The following SLC27A6 variants were observed in gnomAD, a reference collection of about 807,000 sequenced individuals.
The protein encoded by SLC27A6 is solute carrier family 27 member 6.
SLC27A6 carries 74 observed loss-of-function variants against 63.9 expected under a neutral mutation model. The ratio of observed to expected loss-of-function variants is 1.16; its 90% CI spans 0.96 to 1.40. SLC27A6 has a LOEUF of 1.40. Ranked by LOEUF, SLC27A6 falls within the 40% of genes most tolerant of loss-of-function variation. The pLI, the probability that SLC27A6 is intolerant of heterozygous loss-of-function variation, is 0.00. For missense variants in SLC27A6, 794 were observed against 732.9 expected, an observed-to-expected ratio of 1.08 and a Z score of -0.96; for synonymous variants, 287 against 260.8, an observed-to-expected ratio of 1.10 and a Z score of -0.97.
chr5:128,988,643 G>T lies in SLC27A6; in HGVS notation c.729G>T (p.Arg243Ser), dbSNP rs1340231326. The T allele has an allele frequency of 6.2e-7, 1 of 1,613,858 alleles. No individual in the cohort carries two copies. Among genetic ancestry groups the T allele is most frequent in the African/African-American group, 1.3e-5 (1 of 74,876 alleles). The change falls in exon 3 of 10, where the codon AGG becomes AGT. Residue 243 changes from arginine to serine, a missense_variant. Arg to Ser is a moderately radical substitution (Grantham distance 110, BLOSUM62 -1). Transcript: ENST00000262462. ...AAVISQLQVL[R>S]GSAVLWAFGC... ...TGATTAGTCAGCTGCAGGTTTTAAG[G>T]GGTTCTGCTGTCCTGTGGGCTTTTG...
rs762529757 is a variant in SLC27A6 at position 128,966,582 on chromosome 5, C to T, written c.445C>T (p.Arg149Cys). ...IRSNSLLNCI[R>C]ACGPRALVVG... Reference sequence around the variant, plus strand: ...CTCCAACTCCCTCCTGAATTGCATCCGCGCCTGTGGGCCCAGAGCCCTAGT... The same window carrying T: ...CTCCAACTCCCTCCTGAATTGCATCTGCGCCTGTGGGCCCAGAGCCCTAGT... Residue 149 changes from arginine to cysteine, a missense_variant, in exon 1 of 10, where the codon CGC (arginine) becomes TGC (cysteine). Transcript: ENST00000262462. 2 of 1,546,964 alleles carry T rather than the reference C, an allele frequency of 1.3e-6. No homozygotes were observed. Among genetic ancestry groups the T allele is most frequent in the Admixed American group, 1.9e-5 (1 of 51,320 alleles).
intron 4 of SLC27A6, among the ~76,000 whole-genome samples, chr5:129,004,046 G>A (rs1249538826): frequency 1.3e-5 from 2 of 150,654 alleles, no homozygotes; most frequent in African/African-American, 4.9e-5. Context: ...CTCAGAGAAC[G>A]TGTCTGACCT....
At chr5:128,996,035 T>TA (rs75892595) in intron 4 of SLC27A6, among the ~76,000 whole-genome samples, 37,150 of 151,980 alleles carry the variant, frequency 0.24, 5,590 homozygotes, top group East Asian at 0.7. Flanking sequence ...TTAATTTTTT[T>TA]GATCTGTTAA....
chr5:129,013,595 T>C (rs1751797397), intron 4 of SLC27A6, among the ~76,000 whole-genome samples: 1 of 152,104 alleles, frequency 6.6e-6, no homozygotes, highest in Admixed American at 6.5e-5. Context: ...TTAATTTTTA[T>C]ATATTTTTTC....
rs375712222 is a variant in SLC27A6 at position 128,966,313 on chromosome 5, A to T, written c.176A>T (p.Lys59Ile). ...GGGGAGCTGGTGACTGTGCTGGATA[A>T]ATTCTTGAGTCATGCCAAAAGACAA... ...KRGELVTVLD[K>I]FLSHAKRQPR... The change falls in exon 1 of 10, where the codon AAA (lysine) becomes ATA (isoleucine). Residue 59 changes from lysine to isoleucine, a missense_variant. Transcript: ENST00000262462. The T allele has an allele frequency of 5.3e-5, 86 of 1,613,984 alleles. No homozygotes were observed. Among genetic ancestry groups the T allele is most frequent in the Non-Finnish European group, 7.2e-5 (85 of 1,180,020 alleles).
intron 6 of SLC27A6, among the ~76,000 whole-genome samples, chr5:129,024,112 G>T (rs1752162811): frequency 6.6e-6 from 1 of 151,918 alleles, no homozygotes; most frequent in Non-Finnish European, 1.5e-5. Context: ...AGGATGACTA[G>T]GTCCACTGTA....
intron 4 of SLC27A6, 75 bp from the exon 5 acceptor site, chr5:129,015,810 T>C: frequency 3.8e-6 from 4 of 1,063,836 alleles, no homozygotes; most frequent in Non-Finnish European, 5.5e-6. Context: ...GTCTATGATA[T>C]TTTTCATTTA....
intron 9 of SLC27A6, among the ~76,000 whole-genome samples, chr5:129,030,691 C>G (rs1184351): frequency 0.49 from 74,775 of 151,722 alleles, 18,941 homozygotes; most frequent in Middle Eastern, 0.65. Flanking sequence ...TTGACACGCA[C>G]TTATAAGAAA....
At position 129,033,332 on chromosome 5, in the gene SLC27A6, G is replaced by T. The variant is rs778575821; in HGVS notation, c.*50G>T. The T allele has an allele frequency of 5.3e-6, 6 of 1,142,420 alleles. No individual in the cohort carries two copies. The highest frequency in any genetic ancestry group is 2.6e-5 in the East Asian group (1 of 38,814). 70.8% of individuals were successfully genotyped at this position (1,142,420 alleles called of 1,614,324 possible). A position where few individuals can be genotyped will look rare whatever the true frequency, so the allele number is the denominator to read the frequency against. ...ATGCTTTCTTAGGAAGAGTGAGAGG[G>T]GGGTATATGATTCTTTATGAAATGG... On this transcript the variant is annotated 3_prime_UTR_variant, in exon 10 of 10. Coordinates refer to ENST00000262462, the MANE Select transcript of SLC27A6 (RefSeq NM_001017372.3).
At chr5:129,026,215 C>T (rs965741454) in intron 6 of SLC27A6, among the ~76,000 whole-genome samples, 1 of 152,124 alleles carries the variant, frequency 6.6e-6, no homozygotes, top group Non-Finnish European at 1.5e-5. Context: ...ATGAACACTG[C>T]ATCACTTTAC....
intron 6 of SLC27A6, among the ~76,000 whole-genome samples, chr5:129,025,210 G>T (rs1472442444): frequency 6.6e-6 from 1 of 152,086 alleles, no homozygotes; most frequent in Non-Finnish European, 1.5e-5. Flanking sequence ...TTAAGGCATT[G>T]TGTCTTCACA....
chr5:129,032,045 G>C (rs745443657), intron 9 of SLC27A6, among the ~76,000 whole-genome samples: 3 of 151,888 alleles, frequency 2.0e-5, no homozygotes, highest in Non-Finnish European at 4.4e-5. Flanking sequence ...TAAACAGACT[G>C]TTTATCCATG....
intron 1 of SLC27A6, among the ~76,000 whole-genome samples, chr5:128,977,449 G>A (rs1055846757): frequency 6.6e-6 from 1 of 151,942 alleles, no homozygotes; most frequent in Non-Finnish European, 1.5e-5. Flanking sequence ...ATAGAGAAAA[G>A]GTGAGAGAGA....
chr5:128,976,514 CAAACA>C (rs146846789), intron 1 of SLC27A6, among the ~76,000 whole-genome samples: 284 of 152,056 alleles, frequency 1.9e-3, no homozygotes, highest in Non-Finnish European at 2.4e-3. Context: ...AACTCCGTCT[CAAACA>C]AAACAAAACA....
intron 2 of SLC27A6, among the ~76,000 whole-genome samples, chr5:128,986,657 G>T (rs1472479224): frequency 6.6e-6 from 1 of 152,146 alleles, no homozygotes; most frequent in Non-Finnish European, 1.5e-5. Context: ...CAGACTGAGG[G>T]AGCTTCTTTC....
In SLC27A6 at chr5:129,033,100, T is replaced by C. The variant is rs1752461411; in HGVS notation, c.1684-6T>C. ...GATTCTACTCATCCTGGTAATTGCT[T>C]TACAGGAAAAAATGGAAGCAACAGG... On this transcript the variant is annotated splice_polypyrimidine_tract_variant and splice_region_variant and intron_variant, in intron 9 of 9. Transcript: ENST00000262462. 6.2e-7 allele frequency: 1 copy of C among 1,600,038 alleles called. No individual in the cohort carries two copies. The highest frequency in any genetic ancestry group is 1.3e-5 in the African/African-American group (1 of 74,486).
At chr5:129,028,685 A>G (rs766197279) in intron 8 of SLC27A6, among the ~76,000 whole-genome samples, 49 of 151,152 alleles carry the variant, frequency 3.2e-4, no homozygotes, top group Admixed American at 6.6e-4. Flanking sequence ...GCAAAGCTTG[A>G]AAACTCTGAT....
At chr5:128,984,536 A>G (rs897678144) in intron 1 of SLC27A6, among the ~76,000 whole-genome samples, 1 of 152,150 alleles carries the variant, frequency 6.6e-6, no homozygotes, top group African/African-American at 2.4e-5. Context: ...TAAATTGCCA[A>G]TCACCCAAAC....
At chr5:128,970,674 A>G (rs10153626) in intron 1 of SLC27A6, among the ~76,000 whole-genome samples, 1 of 151,986 alleles carries the variant, frequency 6.6e-6, no homozygotes, top group African/African-American at 2.4e-5. Context: ...TCTTGCTAGC[A>G]GTCTACCAAT....
Sources: gnomAD v4.1 joint callset for allele counts (sites outside exome capture counted in the v4.1 genomes callset) on GRCh38, gnomAD v4.1.1 for gene constraint, MANE v1.5 for transcripts, NCBI Gene and HGNC (gene_info 2026-07-23, HGNC 2026-07-21) for gene names.